The following TTC28 variants were observed in gnomAD, a reference collection of about 807,000 sequenced individuals.
TTC28 encodes tetratricopeptide repeat domain 28.
Under a neutral mutation model 198.0 loss-of-function variants are expected in TTC28, and 61 were observed. The observed-to-expected ratio is 0.31, with a 90% CI of 0.25 to 0.38. The LOEUF (loss-of-function observed/expected upper bound fraction) is 0.38, where lower values mean the gene tolerates loss of function less well. Ranked by LOEUF, TTC28 falls within the 10% of genes least tolerant of loss-of-function variation. TTC28 has a pLI of 1.00. For missense variants in TTC28, 2,678 were observed against 3,164.0 expected, an observed-to-expected ratio of 0.85 and a Z score of 3.69; for synonymous variants, 1,171 against 1,297.8, an observed-to-expected ratio of 0.90 and a Z score of 2.10.
At chr22:28,209,588 G>A (rs1412102544) in intron 5 of TTC28, among the ~76,000 whole-genome samples, 1 of 152,212 alleles carries the variant, frequency 6.6e-6, no homozygotes, top group Admixed American at 6.5e-5. Flanking sequence ...GAGGCTGGGG[G>A]AGGGGCGTCT....
At chr22:28,225,471 C>T (rs965323118) in intron 5 of TTC28, among the ~76,000 whole-genome samples, 2 of 152,136 alleles carry the variant, frequency 1.3e-5, no homozygotes, top group Non-Finnish European at 2.9e-5. Flanking sequence ...CCCATTCCTG[C>T]TTCCACCAAA....
chr22:28,112,536 G>A (rs978263174), intron 6 of TTC28, among the ~76,000 whole-genome samples: 1 of 152,176 alleles, frequency 6.6e-6, no homozygotes, highest in African/African-American at 2.4e-5. Flanking sequence ...AGATGGATGA[G>A]GCCGAACTGG....
chr22:28,304,288 A>G (rs1396179830), intron 3 of TTC28, among the ~76,000 whole-genome samples: 1 of 152,066 alleles, frequency 6.6e-6, no homozygotes, highest in Non-Finnish European at 1.5e-5. Context: ...CCATCTCAAA[A>G]AAAAAAAAAA....
chr22:28,565,012 G>A (rs1217377316), intron 2 of TTC28, among the ~76,000 whole-genome samples: 1 of 151,556 alleles, frequency 6.6e-6, no homozygotes, highest in Admixed American at 6.6e-5. Flanking sequence ...AAGGGAAGTT[G>A]ACCAATAGCC....
intron 2 of TTC28, among the ~76,000 whole-genome samples, chr22:28,503,508 CACTT>C (rs1025450065): frequency 1.3e-5 from 2 of 152,080 alleles, no homozygotes; most frequent in African/African-American, 2.4e-5. Context: ...TTGAAAAACT[CACTT>C]AATGTCATTA....
intron 21 of TTC28, among the ~76,000 whole-genome samples, chr22:27,988,061 TAAAAA>T (rs910246819): frequency 2.0e-5 from 3 of 150,682 alleles, no homozygotes; most frequent in Non-Finnish European, 3.0e-5. Context: ...CAAAAAAAGT[TAAAAA>T]AAAATAAAAA....
chr22:28,110,637 C>T (rs1458243712), intron 6 of TTC28, among the ~76,000 whole-genome samples: 1 of 152,050 alleles, frequency 6.6e-6, no homozygotes, highest in Non-Finnish European at 1.5e-5. Flanking sequence ...AACATGGTGA[C>T]ATTAAAAATG....
intron 2 of TTC28, among the ~76,000 whole-genome samples, chr22:28,506,924 T>C (rs1472732728): frequency 2.0e-5 from 3 of 152,024 alleles, no homozygotes; most frequent in African/African-American, 7.2e-5. Context: ...ACCTCAAAAA[T>C]TGAAAGTAGA....
chr22:28,143,124 T>C (rs1346692296), intron 6 of TTC28, among the ~76,000 whole-genome samples: 1 of 152,214 alleles, frequency 6.6e-6, no homozygotes, highest in African/African-American at 2.4e-5. Flanking sequence ...ATGGCAGAGC[T>C]GGGACTAAAA....
At chr22:28,045,205 T>C (rs1444121911) in intron 12 of TTC28, among the ~76,000 whole-genome samples, 1 of 152,178 alleles carries the variant, frequency 6.6e-6, no homozygotes, top group Non-Finnish European at 1.5e-5. Flanking sequence ...CTGAAATGCT[T>C]GGGACCAGAA....
chr22:28,423,606 C>A (rs1601379373), intron 2 of TTC28, among the ~76,000 whole-genome samples: 2 of 152,230 alleles, frequency 1.3e-5, no homozygotes, highest in South Asian at 4.1e-4. Context: ...ACTCTAAAGT[C>A]CATTAAGTTG....
At chr22:28,523,394 ATTAAG>A (rs949385603) in intron 2 of TTC28, among the ~76,000 whole-genome samples, 3 of 152,254 alleles carry the variant, frequency 2.0e-5, no homozygotes, top group African/African-American at 7.2e-5. Context: ...CATATGATAA[ATTAAG>A]TTATTAAACA....
At chr22:28,029,004 C>T (rs1156355464) in intron 13 of TTC28, 1 of 471,154 alleles carries the variant, frequency 2.1e-6, no homozygotes, top group East Asian at 7.0e-5. Flanking sequence ...ATCACCACAG[C>T]CTGCATCACC....
chr22:28,309,433 G>A (rs1167527834), intron 2 of TTC28, among the ~76,000 whole-genome samples: 2 of 152,160 alleles, frequency 1.3e-5, no homozygotes, highest in East Asian at 1.9e-4. Context: ...AGTTCTGAGC[G>A]AGATAACAGC....
chr22:28,531,776 CAT>C (rs1366511390), intron 2 of TTC28, among the ~76,000 whole-genome samples: 2 of 152,204 alleles, frequency 1.3e-5, no homozygotes, highest in Non-Finnish European at 2.9e-5. Flanking sequence ...CACTCAACTA[CAT>C]GGAAACTGAA....
chr22:28,398,598 C>G (rs1293037974), intron 2 of TTC28, among the ~76,000 whole-genome samples: 1 of 152,156 alleles, frequency 6.6e-6, no homozygotes, highest in African/African-American at 2.4e-5. Context: ...AAATGCAAGC[C>G]AAGTATATCT....
rs386395148 is a variant in TTC28, at chr22:28,475,149, CAAAAAAAAAAAA to C, written c.381+154391_381+154402del. 1.5e-4 allele frequency among the ~76,000 whole-genome samples: 10 copies of C among 64,992 alleles called. No individual in the cohort carries two copies. The South Asian group carries it at 2.6e-3, about 17-fold the overall frequency. The allele number at this position is 64,992 out of a possible 152,430, so 42.6% of individuals were successfully genotyped here. A position where few individuals can be genotyped will look rare whatever the true frequency, so the allele number is the denominator to read the frequency against. On this transcript the variant is annotated intron_variant, in intron 2 of 22. Coordinates refer to ENST00000397906, the MANE Select transcript of TTC28 (RefSeq NM_001145418.2). ...TGGGTGACAGAGCGAGACTCCATCTCAAAAAAAAAAAAAAAAAAAAAAAGAAAGAAAAGAAAA... is the reference window on the plus strand; with the variant it reads ...TGGGTGACAGAGCGAGACTCCATCTCAAAAAAAAAAAGAAAGAAAAGAAAA...
At chr22:28,060,244 C>T (rs930153697) in intron 12 of TTC28, among the ~76,000 whole-genome samples, 1 of 152,124 alleles carries the variant, frequency 6.6e-6, no homozygotes. Context: ...CTATCCTTCC[C>T]CCATCCCCCA....
At chr22:28,150,185 A>T (rs1397248947) in intron 6 of TTC28, among the ~76,000 whole-genome samples, 2 of 152,198 alleles carry the variant, frequency 1.3e-5, no homozygotes, top group African/African-American at 4.8e-5. Flanking sequence ...AATTTTCATA[A>T]AGTTGAGGAC....
Sources: allele counts gnomAD v4.1 joint callset (sites outside exome capture counted in the v4.1 genomes callset), GRCh38; gene constraint gnomAD v4.1.1; transcripts MANE v1.5; gene names NCBI Gene and HGNC (gene_info 2026-07-23, HGNC 2026-07-21).